The following TULP3 variants were observed in gnomAD, a reference collection of about 807,000 sequenced individuals.
The protein encoded by TULP3 is TUB like protein 3, also known as tubby-related protein 3.
A neutral mutation model predicts 50.7 loss-of-function variants in TULP3; 38 were observed. The ratio of observed to expected loss-of-function variants is 0.75; its 90% CI spans 0.58 to 0.98. The LOEUF is 0.98. TULP3 is among the 50% of genes least tolerant of loss of function. TULP3 has a pLI of 0.00. For synonymous variants in TULP3, 183 were observed against 196.6 expected, an observed-to-expected ratio of 0.93 and a Z score of 0.58; for missense variants, 550 against 568.0, an observed-to-expected ratio of 0.97 and a Z score of 0.32.
rs367811823 is a variant in TULP3 at position 2,892,651 on chromosome 12, A to G, written c.41+1663A>G. Among the ~76,000 whole-genome samples, 45 of 152,092 alleles carry G rather than the reference A, an allele frequency of 3.0e-4. No homozygotes were observed. In the East Asian group the frequency reaches 7.2e-3, roughly 24 times the overall value. On this transcript the variant is annotated intron_variant, in intron 1 of 10. Coordinates refer to ENST00000448120, the MANE Select transcript of TULP3 (RefSeq NM_003324.5). ...CTCAGCCTCCTGAGTAGCTGGGACT[A>G]TAGGCACGCGCCACCACGCCCAGCT...
intron 1 of TULP3, among the ~76,000 whole-genome samples, chr12:2,904,675 T>G (rs2098181173): frequency 6.6e-6 from 1 of 152,080 alleles, no homozygotes; most frequent in African/African-American, 2.4e-5. Context: ...TTGAGAAAAA[T>G]GAGAGGAAAA....
intron 10 of TULP3, among the ~76,000 whole-genome samples, chr12:2,938,783 A>G (rs1281624613): frequency 6.6e-6 from 1 of 151,992 alleles, no homozygotes; most frequent in African/African-American, 2.4e-5. Context: ...CCTGTCTCAG[A>G]AAAAAATAAA....
intron 1 of TULP3, among the ~76,000 whole-genome samples, chr12:2,897,660 T>C (rs2098176324): frequency 6.6e-6 from 1 of 151,072 alleles, no homozygotes; most frequent in Non-Finnish European, 1.5e-5. Flanking sequence ...AGGGTCTTGC[T>C]GTATTGCCCA....
intron 2 of TULP3, among the ~76,000 whole-genome samples, chr12:2,918,608 T>C (rs1413247348): frequency 6.6e-6 from 1 of 152,090 alleles, no homozygotes. Flanking sequence ...GGGCATAATC[T>C]CAGCTCGCCG....
At chr12:2,919,164 T>G (rs895784310) in intron 2 of TULP3, among the ~76,000 whole-genome samples, 1 of 152,196 alleles carries the variant, frequency 6.6e-6, no homozygotes, top group Non-Finnish European at 1.5e-5. Context: ...AGTGTTGGGA[T>G]TACAGGCGTG....
intron 2 of TULP3, among the ~76,000 whole-genome samples, chr12:2,912,275 T>C (rs1051099700): frequency 1.3e-5 from 2 of 152,194 alleles, no homozygotes; most frequent in African/African-American, 2.4e-5. Context: ...AATAGAATGT[T>C]AGAAAGAATC....
chr12:2,901,095 T>A (rs1054574088), intron 1 of TULP3, among the ~76,000 whole-genome samples: 2 of 151,908 alleles, frequency 1.3e-5, no homozygotes, highest in African/African-American at 4.8e-5. Context: ...AAAGTTCTTT[T>A]GTGAATATTT....
intron 1 of TULP3, among the ~76,000 whole-genome samples, chr12:2,893,742 A>T (rs1459370400): frequency 6.6e-6 from 1 of 151,702 alleles, no homozygotes; most frequent in African/African-American, 2.4e-5. Flanking sequence ...GGAATTATGT[A>T]ACTTTTATCA....
chr12:2,904,133 AAT>A (rs935168957), intron 1 of TULP3, among the ~76,000 whole-genome samples: 11 of 152,160 alleles, frequency 7.2e-5, no homozygotes, highest in Non-Finnish European at 2.9e-5. Flanking sequence ...TCAGGAAATT[AAT>A]ATAGAATCAG....
intron 1 of TULP3, among the ~76,000 whole-genome samples, chr12:2,904,824 G>A (rs1721092772): frequency 6.6e-6 from 1 of 152,088 alleles, no homozygotes; most frequent in Admixed American, 6.6e-5. Context: ...CACAGGCCGG[G>A]CATGGTGGCT....
intron 1 of TULP3, among the ~76,000 whole-genome samples, chr12:2,905,223 C>G (rs1433197417): frequency 1.4e-5 from 2 of 147,722 alleles, no homozygotes; most frequent in African/African-American, 2.5e-5. Context: ...GTCTCGCTCT[C>G]TTGCCAGGCT....
At chr12:2,904,681 GA>G (rs2098181177) in intron 1 of TULP3, among the ~76,000 whole-genome samples, 1 of 151,986 alleles carries the variant, frequency 6.6e-6, no homozygotes, top group African/African-American at 2.4e-5. Context: ...AAAATGAGAG[GA>G]AAAAGAATTA....
At chr12:2,930,837 G>A in intron 5 of TULP3, 200 bp from the exon 6 acceptor site, 1 of 641,222 alleles carries the variant, frequency 1.6e-6, no homozygotes. Flanking sequence ...GCTATTGTGA[G>A]GCTTTGTCCC....
At chr12:2,917,034 C>G (rs1260257618) in intron 2 of TULP3, among the ~76,000 whole-genome samples, 1 of 152,134 alleles carries the variant, frequency 6.6e-6, no homozygotes, top group East Asian at 1.9e-4. Flanking sequence ...TGTCAGTGAA[C>G]TGGATATAAC....
At position 2,919,455 on chromosome 12, in the gene TULP3, G is replaced by A. The variant is rs187252654; in HGVS notation, c.94-1308G>A. ...GTGTGCTCTCATCAGCCCAGTTCAG[G>A]AAAAACACACTTCCTTTTTTGATAG... On this transcript the variant is annotated intron_variant, in intron 2 of 10. Coordinates refer to ENST00000448120, the MANE Select transcript of TULP3 (RefSeq NM_003324.5). Among the ~76,000 whole-genome samples the A allele has an allele frequency of 1.3e-3, 192 of 152,218 alleles. 2 individuals are homozygous for A. Among genetic ancestry groups the A allele is most frequent in the Non-Finnish European group, 1.6e-3 (106 of 68,018 alleles).
chr12:2,892,737 C>T (rs898561483), intron 1 of TULP3, among the ~76,000 whole-genome samples: 1 of 152,108 alleles, frequency 6.6e-6, no homozygotes, highest in Non-Finnish European at 1.5e-5. Context: ...GTCTCGATTT[C>T]TTGACCTGGT....
rs2098199369 is a variant in TULP3, at chr12:2,933,473, T to C, written c.752T>C (p.Ile251Thr). Residue 251 changes from isoleucine (I) to threonine (T), a missense_variant, in exon 7 of 11, where the codon ATC becomes ACC. Ile to Thr is a moderately conservative substitution (Grantham distance 89). Transcript: ENST00000448120. ...AAGAGCAAAACAGCCAACTACCTTA[T>C]CTCCATTGATCCAGTTGATTTATCT... ...RKKSKTANYL[I>T]SIDPVDLSRE... 2 of 1,614,006 alleles carry C rather than the reference T, an allele frequency of 1.2e-6. No homozygotes were observed. Among genetic ancestry groups the C allele is most frequent in the South Asian group, 2.2e-5 (2 of 91,060 alleles).
rs2098203336 is a variant in TULP3 at position 2,939,360 on chromosome 12, A to G, written c.1245A>G (p.Thr415=). ...GACGTGTGGCAGATGACGTGTTCAC[A>G]CTGGATTACAACTACCCACTTTGTG... The part of the protein sequence containing the change: ...QFGRVADDVF[T]LDYNYPLCAV... The change falls in exon 11 of 11, where the codon ACA becomes ACG. Residue 415 remains threonine (T), a synonymous_variant. Coordinates refer to ENST00000448120, the MANE Select transcript of TULP3 (RefSeq NM_003324.5). The surrounding 1 kb of genome is among the most constrained non-coding windows in gnomAD (Gnocchi z 4.0). The G allele has an allele frequency of 4.3e-6, 7 of 1,614,214 alleles. No homozygotes were observed. The highest frequency in any genetic ancestry group is 1.1e-5 in the South Asian group (1 of 91,088).
At chr12:2,930,828 C>T in intron 5 of TULP3, 9 of 626,050 alleles carry the variant, frequency 1.4e-5, no homozygotes, top group South Asian at 1.2e-4. Flanking sequence ...CTCAGGTCAG[C>T]TATTGTGAGG....
Sources: allele counts gnomAD v4.1 joint callset (sites outside exome capture counted in the v4.1 genomes callset), GRCh38; gene constraint gnomAD v4.1.1; non-coding constraint Gnocchi (gnomAD v3.1); transcripts MANE v1.5; gene names NCBI Gene and HGNC (gene_info 2026-07-23, HGNC 2026-07-21).